EHF: variants seen among roughly 807,000 people sequenced by gnomAD.
EHF encodes ETS homologous factor.
A neutral mutation model predicts 45.1 loss-of-function variants in EHF; 14 were observed. The ratio of observed to expected loss-of-function variants is 0.31; its 90% CI spans 0.21 to 0.49. EHF has a LOEUF of 0.49. Ranked by LOEUF, EHF falls within the 20% of genes least tolerant of loss-of-function variation. The pLI is 0.99. For missense variants in EHF, 282 were observed against 371.4 expected, an observed-to-expected ratio of 0.76 and a Z score of 1.98; for synonymous variants, 136 against 131.8, an observed-to-expected ratio of 1.03 and a Z score of -0.22.
intron 1 of EHF, among the ~76,000 whole-genome samples, chr11:34,637,875 G>A (rs1165562082): frequency 6.6e-6 from 1 of 150,700 alleles, no homozygotes; most frequent in Non-Finnish European, 1.5e-5. Flanking sequence ...AAAATCTCAG[G>A]ATAATCTACA....
chr11:34,648,612 T>C (rs1854819955), intron 3 of EHF, among the ~76,000 whole-genome samples: 1 of 152,166 alleles, frequency 6.6e-6, no homozygotes, highest in Admixed American at 6.5e-5. Flanking sequence ...CATATCTTAG[T>C]ATGGGAAAGC....
chr11:34,648,996 C>T, intron 3 of EHF, 23 bp from the exon 4 acceptor site: 1 of 1,609,704 alleles, frequency 6.2e-7, no homozygotes. Context: ...CCCTCTCTGA[C>T]TATCCCAATC....
intron 6 of EHF, among the ~76,000 whole-genome samples, chr11:34,653,025 G>A (rs1855329915): frequency 6.6e-6 from 1 of 152,192 alleles, no homozygotes; most frequent in Non-Finnish European, 1.5e-5. Flanking sequence ...GCCAACCGGG[G>A]TAAAATTTCT....
At chr11:34,656,163 G>T (rs985819514) in intron 6 of EHF, among the ~76,000 whole-genome samples, 1 of 151,856 alleles carries the variant, frequency 6.6e-6, no homozygotes, top group African/African-American at 2.4e-5. Flanking sequence ...TCCCAGGTCC[G>T]CCTCCATCAT....
chr11:34,645,682 A>G (rs1854441721), intron 2 of EHF, among the ~76,000 whole-genome samples: 1 of 152,218 alleles, frequency 6.6e-6, no homozygotes, highest in Non-Finnish European at 1.5e-5. Flanking sequence ...AGTTCGAAAG[A>G]TGGGTAGGAA....
At chr11:34,654,816 C>T (rs1313018973) in intron 6 of EHF, among the ~76,000 whole-genome samples, 1 of 152,130 alleles carries the variant, frequency 6.6e-6, no homozygotes, top group Non-Finnish European at 1.5e-5. Context: ...CAACTAGGAA[C>T]CCACAAACAA....
At chr11:34,654,194 T>G (rs1424511711) in intron 6 of EHF, among the ~76,000 whole-genome samples, 1 of 152,232 alleles carries the variant, frequency 6.6e-6, no homozygotes, top group African/African-American at 2.4e-5. Context: ...ATCACAAACC[T>G]GTGGCTTGTT....
rs1371520329 is a variant in EHF at position 34,661,348 on chromosome 11, C to T, written c.*2417C>T. On this transcript the variant is annotated 3_prime_UTR_variant, in exon 9 of 9. Transcript: ENST00000257831. ...CATCATCTAAGGAGGCTAGATCCTT[C>T]GCTGACTTCACCATTCCTCAAACCT... is the stretch of plus-strand genomic sequence containing the variant. Among the ~76,000 whole-genome samples the T allele has an allele frequency of 1.3e-5, 2 of 152,162 alleles. No individual in the cohort carries two copies. Among genetic ancestry groups the T allele is most frequent in the African/African-American group, 2.4e-5 (1 of 41,454 alleles).
intron 1 of EHF, among the ~76,000 whole-genome samples, chr11:34,639,558 C>G (rs12221659): frequency 0.3 from 45,885 of 152,178 alleles, 7,883 homozygotes; most frequent in East Asian, 0.48. Flanking sequence ...TCGGCCAAAG[C>G]CCTTCTGCTA....
At chr11:34,647,854 C>A (rs1854730630) in intron 3 of EHF, among the ~76,000 whole-genome samples, 1 of 152,208 alleles carries the variant, frequency 6.6e-6, no homozygotes, top group South Asian at 2.1e-4. Flanking sequence ...TCAAACCAAA[C>A]AAGGCTCTAT....
chr11:34,648,312 G>C (rs1590510508), intron 3 of EHF, among the ~76,000 whole-genome samples: 1 of 151,610 alleles, frequency 6.6e-6, no homozygotes, highest in Non-Finnish European at 1.5e-5. Context: ...ATCTGTCTGG[G>C]GAAGAAAACA....
At chr11:34,655,492 T>C (rs1345129556) in intron 6 of EHF, among the ~76,000 whole-genome samples, 2 of 152,200 alleles carry the variant, frequency 1.3e-5, no homozygotes, top group Admixed American at 6.5e-5. Flanking sequence ...GGAAATGACA[T>C]AGAATCATGG....
intron 7 of EHF, among the ~76,000 whole-genome samples, chr11:34,657,853 C>T (rs1424155749): frequency 6.9e-6 from 1 of 145,808 alleles, no homozygotes; most frequent in African/African-American, 2.5e-5. Context: ...TCTGCTCTTT[C>T]ACATAATCCC....
At chr11:34,633,673 G>A (rs916467662) in intron 1 of EHF, among the ~76,000 whole-genome samples, 2 of 152,154 alleles carry the variant, frequency 1.3e-5, no homozygotes, top group African/African-American at 4.8e-5. Flanking sequence ...TGGAAGAAGA[G>A]GAGAGTCAAA....
intron 1 of EHF, among the ~76,000 whole-genome samples, chr11:34,623,275 G>A (rs1424204191): frequency 1.3e-5 from 2 of 151,980 alleles, no homozygotes; most frequent in East Asian, 1.9e-4. Context: ...TAGTAGAGAC[G>A]GGGTTTTACC....
chr11:34,651,800 C>T lies in EHF; in HGVS notation c.539C>T (p.Pro180Leu). ...QISMTTTSHL[P>L]VAESPDMKKE... ...TCCATGACAACCACCAGTCACCTTC[C>T]TGTTGGTAAGCTGTCATCACATCTG... The change falls in exon 6 of 9, where the codon CCT becomes CTT. Residue 180 changes from proline (P) to leucine (L), a missense_variant. Coordinates refer to ENST00000257831, the MANE Select transcript of EHF (RefSeq NM_012153.6). The T allele has an allele frequency of 1.2e-6, 2 of 1,613,876 alleles. No individual in the cohort carries two copies. Among genetic ancestry groups the T allele is most frequent in the Non-Finnish European group, 1.7e-6 (2 of 1,179,904 alleles).
chr11:34,637,195 T>C (rs1033995889), intron 1 of EHF, among the ~76,000 whole-genome samples: 4 of 152,124 alleles, frequency 2.6e-5, no homozygotes, highest in Admixed American at 1.3e-4. Flanking sequence ...GCAGCCAAAA[T>C]AGGAGACTCT....
intron 1 of EHF, among the ~76,000 whole-genome samples, chr11:34,630,550 C>A (rs1372153540): frequency 1.3e-5 from 2 of 152,026 alleles, no homozygotes; most frequent in South Asian, 4.2e-4. Flanking sequence ...ACATCTTGGT[C>A]TTTTCCTAGG....
In EHF at chr11:34,646,674, G is replaced by A. The variant is rs1391420447; in HGVS notation, c.333G>A (p.Leu111=). 6 of 1,610,174 alleles carry A rather than the reference G, an allele frequency of 3.7e-6. No homozygotes were observed. The highest frequency in any genetic ancestry group is 1.6e-4 in the Middle Eastern group (1 of 6,082). Residue 111 remains leucine (L), a synonymous_variant, in exon 3 of 9, where the codon CTG becomes CTA. Transcript: ENST00000257831. The part of the protein sequence containing the change: ...GQLLYSNLQH[L]KWNGQCSSDL... ...TCCTCTACAGCAACTTGCAGCATCT[G>A]AAGTGGAACGGTGACTCTCTCTTTC...
Sources: gnomAD v4.1 joint callset for allele counts (sites outside exome capture counted in the v4.1 genomes callset) on GRCh38, gnomAD v4.1.1 for gene constraint, MANE v1.5 for transcripts, NCBI Gene and HGNC (gene_info 2026-07-23, HGNC 2026-07-21) for gene names.